TENM3: variants seen among roughly 807,000 people sequenced by gnomAD.
TENM3 encodes the protein teneurin transmembrane protein 3, also known as teneurin-3.
In TENM3, 63 loss-of-function variants were observed where a neutral mutation model predicts 255.1. The ratio of observed to expected loss-of-function variants is 0.25; its 90% confidence interval spans 0.20 to 0.30. The LOEUF (loss-of-function observed/expected upper bound fraction) is 0.30. Ranked by LOEUF, TENM3 falls within the 10% of genes least tolerant of loss-of-function variation. The probability of loss-of-function intolerance (pLI) is 1.00; values close to 1 mark genes in which losing one functional copy is unlikely to be tolerated. For synonymous variants in TENM3, 1,306 were observed against 1,322.3 expected (o/e 0.99, Z 0.27); for missense variants, 2,929 against 3,461.1 (o/e 0.85, Z 3.86).
chr4:182,484,366 A>G (rs1580709155), intron 3 of TENM3, among the ~76,000 whole-genome samples: 1 of 152,242 alleles, frequency 6.6e-6, no homozygotes, highest in Middle Eastern at 3.4e-3. Context: ...TCATTACCAT[A>G]CTTCTCATGT....
At chr4:181,856,733 A>T in the TENM3 span, among the ~76,000 whole-genome samples, 1 of 152,176 alleles carries the variant, frequency 6.6e-6, no homozygotes, top group Non-Finnish European at 1.5e-5. Context: ...CTGGACTGAC[A>T]GGCATACTGG....
chr4:182,375,839 C>T lies in TENM3; in HGVS notation c.511+28910C>T, dbSNP rs72993365. On this transcript the variant is annotated intron_variant, in intron 3 of 27. Transcript: ENST00000511685. ...GGTTACAAGTGTGAGCCACCGCGCC[C>T]GGCTGGGAACCGCATGTTGTGGGTG... Among the ~76,000 whole-genome samples the T allele has an allele frequency of 1.4e-3, 212 of 152,210 alleles. 1 individual carries two copies. Among genetic ancestry groups the T allele is most frequent in the African/African-American group, 4.8e-3 (200 of 41,518 alleles).
the TENM3 span, among the ~76,000 whole-genome samples, chr4:181,589,861 G>A: frequency 8.5e-5 from 13 of 152,164 alleles, no homozygotes; most frequent in Non-Finnish European, 1.9e-4. Context: ...TGACAGAAGG[G>A]TTACTTTCCT....
chr4:181,577,703 C>T, the TENM3 span, among the ~76,000 whole-genome samples: 2 of 152,202 alleles, frequency 1.3e-5, no homozygotes, highest in South Asian at 2.1e-4. Context: ...AGACTGTTTA[C>T]ATTTTATTAC....
At chr4:181,963,808 G>T in the TENM3 span, among the ~76,000 whole-genome samples, 1 of 152,116 alleles carries the variant, frequency 6.6e-6, no homozygotes, top group East Asian at 1.9e-4. Flanking sequence ...AATGAAAAAT[G>T]ATCATTTTAG....
the TENM3 span, among the ~76,000 whole-genome samples, chr4:181,899,329 T>A: frequency 6.6e-6 from 1 of 152,088 alleles, no homozygotes; most frequent in Non-Finnish European, 1.5e-5. Context: ...CCTTAAGACT[T>A]AGGTAACAGA....
intron 5 of TENM3, among the ~76,000 whole-genome samples, chr4:182,630,758 A>T (rs1405996822): frequency 1.4e-5 from 2 of 141,894 alleles, no homozygotes; most frequent in Admixed American, 7.8e-5. Flanking sequence ...TATTTATTTT[A>T]TTTTATTATT....
the TENM3 span, among the ~76,000 whole-genome samples, chr4:181,847,970 A>G: frequency 1.5e-4 from 23 of 152,306 alleles, no homozygotes; most frequent in Admixed American, 1.5e-3. Flanking sequence ...TACAAGAAAT[A>G]TTATTTGAAA....
chr4:181,474,887 T>TC, the TENM3 span, among the ~76,000 whole-genome samples: 1 of 151,870 alleles, frequency 6.6e-6, no homozygotes, highest in East Asian at 1.9e-4. Context: ...GCCTCTCTTC[T>TC]CCCCCCACCT....
intron 3 of TENM3, among the ~76,000 whole-genome samples, chr4:182,356,920 A>G (rs971933690): frequency 7.7e-5 from 10 of 129,598 alleles, no homozygotes; most frequent in African/African-American, 2.7e-4. Flanking sequence ...TCCTGTGTCC[A>G]TGTGTTCTCA....
chr4:182,039,547 T>C, the TENM3 span, among the ~76,000 whole-genome samples: 1 of 152,082 alleles, frequency 6.6e-6, no homozygotes, highest in African/African-American at 2.4e-5. Flanking sequence ...GTTCCCACTG[T>C]GTGAAAAAAT....
the TENM3 span, among the ~76,000 whole-genome samples, chr4:181,728,988 A>G: frequency 5.3e-5 from 8 of 152,332 alleles, no homozygotes; most frequent in Non-Finnish European, 7.3e-5. Context: ...TTCATTCAGT[A>G]TAACAATCAA....
the TENM3 span, among the ~76,000 whole-genome samples, chr4:181,549,674 G>A: frequency 2.0e-5 from 3 of 152,078 alleles, no homozygotes; most frequent in African/African-American, 7.2e-5. Flanking sequence ...ACTTATTCCA[G>A]GAAAACACAT....
At chr4:182,400,296 A>G (rs1769136092) in intron 3 of TENM3, among the ~76,000 whole-genome samples, 1 of 152,198 alleles carries the variant, frequency 6.6e-6, no homozygotes, top group Admixed American at 6.5e-5. Flanking sequence ...AAATTCTGGC[A>G]GAGTTATTTC....
At chr4:182,431,849 G>GT (rs1771672912) in intron 3 of TENM3, among the ~76,000 whole-genome samples, 2 of 152,074 alleles carry the variant, frequency 1.3e-5, no homozygotes, top group African/African-American at 4.8e-5. Context: ...GGCCAAGGCA[G>GT]GCAGATCACC....
At chr4:182,377,086 A>G (rs1292109149) in intron 3 of TENM3, among the ~76,000 whole-genome samples, 2 of 152,166 alleles carry the variant, frequency 1.3e-5, no homozygotes, top group African/African-American at 4.8e-5. Context: ...TGGTTTGGTC[A>G]TTAAGTTAAA....
chr4:182,567,006 A>G (rs1351496404), intron 3 of TENM3, among the ~76,000 whole-genome samples: 1 of 152,222 alleles, frequency 6.6e-6, no homozygotes, highest in Non-Finnish European at 1.5e-5. Flanking sequence ...GTAATGAAGC[A>G]TGTGTTAACT....
At chr4:181,670,619 A>C in the TENM3 span, among the ~76,000 whole-genome samples, 1 of 152,164 alleles carries the variant, frequency 6.6e-6, no homozygotes, top group African/African-American at 2.4e-5. Context: ...AGAGGGAAAA[A>C]ATGTGTACTT....
At chr4:182,087,927 C>A in the TENM3 span, among the ~76,000 whole-genome samples, 2 of 152,262 alleles carry the variant, frequency 1.3e-5, no homozygotes, top group East Asian at 1.9e-4. Context: ...ATCTTTGTAA[C>A]CCTTAGGAGC....
Sources: allele counts gnomAD v4.1 joint callset (sites outside exome capture counted in the v4.1 genomes callset), GRCh38; gene constraint gnomAD v4.1.1; transcripts MANE v1.5; gene names NCBI Gene and HGNC (gene_info 2026-07-23, HGNC 2026-07-21).